PRICKLE2: variants seen among roughly 807,000 people sequenced by gnomAD.
PRICKLE2 encodes the protein prickle planar cell polarity protein 2.
A neutral mutation model predicts 81.4 loss-of-function variants in PRICKLE2; 21 were observed. That is an observed-to-expected ratio of 0.26 (90% CI 0.18 to 0.37). The LOEUF (loss-of-function observed/expected upper bound fraction) is 0.37. Ranked by LOEUF, PRICKLE2 falls within the 10% of genes least tolerant of loss-of-function variation. The pLI is 1.00. For missense variants in PRICKLE2, 940 were observed against 1,109.0 expected (o/e 0.85, Z 2.16); for synonymous variants, 456 against 421.5 (o/e 1.08, Z -1.00).
chr3:64,213,650 G>T (rs1021536913), intron 1 of PRICKLE2, among the ~76,000 whole-genome samples: 1 of 152,074 alleles, frequency 6.6e-6, no homozygotes, highest in Admixed American at 6.6e-5. Flanking sequence ...CTGAGCCCAG[G>T]GGCATAAGGT....
intron 7 of PRICKLE2, among the ~76,000 whole-genome samples, chr3:64,110,547 G>T (rs2076826729): frequency 6.6e-6 from 1 of 152,174 alleles, no homozygotes; most frequent in African/African-American, 2.4e-5. Flanking sequence ...TAAAGGGGAT[G>T]CTATGGCAGA....
intron 6 of PRICKLE2, among the ~76,000 whole-genome samples, chr3:64,150,887 A>G (rs1240951697): frequency 6.6e-6 from 1 of 152,218 alleles, no homozygotes; most frequent in African/African-American, 2.4e-5. Context: ...CCCGATAAAC[A>G]TCGATGTCAG....
In PRICKLE2 at chr3:64,110,158, C is replaced by G. The variant is rs79053327; in HGVS notation, c.1661-10233G>C. On this transcript the variant is annotated intron_variant, in intron 7 of 7. Transcript: ENST00000638394. The stretch of plus-strand genomic sequence containing the variant: ...TATTGCTAATTGAAAGGATACACAA[C>G]AAATTCAGACCAGTTGAAGATTTTT... Among the ~76,000 whole-genome samples the G allele has an allele frequency of 3.9e-3, 601 of 152,324 alleles. 3 individuals are homozygous for G. Among genetic ancestry groups the G allele is most frequent in the African/African-American group, 0.014 (584 of 41,568 alleles).
At chr3:64,164,396 A>G (rs1559551028) in intron 2 of PRICKLE2, among the ~76,000 whole-genome samples, 1 of 152,164 alleles carries the variant, frequency 6.6e-6, no homozygotes, top group African/African-American at 2.4e-5. Context: ...ACTTGGTCTA[A>G]ACTTGGTCTA....
intron 2 of PRICKLE2, among the ~76,000 whole-genome samples, chr3:64,245,006 C>G (rs1030909654): frequency 1.3e-5 from 2 of 152,088 alleles, no homozygotes; most frequent in African/African-American, 4.8e-5. Context: ...CGCTACCAAT[C>G]TAAAGAATGT....
intron 7 of PRICKLE2, chr3:64,104,533 T>C (rs1034477308): frequency 2.6e-5 from 4 of 152,208 alleles, no homozygotes; most frequent in Non-Finnish European, 5.9e-5. Context: ...GTGAACAGAT[T>C]CCTATTTCCG....
intron 2 of PRICKLE2, among the ~76,000 whole-genome samples, chr3:64,239,076 G>A (rs967584891): frequency 2.0e-5 from 3 of 152,148 alleles, no homozygotes; most frequent in Non-Finnish European, 4.4e-5. Flanking sequence ...CCAGACGGAT[G>A]TCAGAGCAGA....
At chr3:64,219,946 A>G (rs534893508) in intron 1 of PRICKLE2, among the ~76,000 whole-genome samples, 10 of 152,356 alleles carry the variant, frequency 6.6e-5, no homozygotes, top group African/African-American at 2.2e-4. Flanking sequence ...GTAAGAATTA[A>G]CAAGACAAGT....
intron 1 of PRICKLE2, among the ~76,000 whole-genome samples, chr3:64,205,058 G>T (rs1185151509): frequency 1.4e-5 from 2 of 143,902 alleles, no homozygotes; most frequent in African/African-American, 2.6e-5. Context: ...TTTTTAAATA[G>T]ACATTTATGA....
chr3:64,167,722 A>T (rs1381508943), intron 2 of PRICKLE2, among the ~76,000 whole-genome samples: 1 of 150,622 alleles, frequency 6.6e-6, no homozygotes, highest in Admixed American at 6.6e-5. Flanking sequence ...AAGTAAGCTG[A>T]TTTTTTTTTT....
At chr3:64,172,943 T>G (rs2107064625) in intron 2 of PRICKLE2, among the ~76,000 whole-genome samples, 1 of 152,282 alleles carries the variant, frequency 6.6e-6, no homozygotes, top group South Asian at 2.1e-4. Flanking sequence ...ATCTTGAGCT[T>G]TTGGACTCCA....
chr3:64,265,395 T>C (rs576257503), intron 2 of PRICKLE2, among the ~76,000 whole-genome samples: 49 of 152,318 alleles, frequency 3.2e-4, no homozygotes, highest in Admixed American at 2.1e-3. Context: ...CTTCCTCTCA[T>C]TGACATCAGA....
chr3:64,213,767 A>T (rs2078830118), intron 1 of PRICKLE2, among the ~76,000 whole-genome samples: 1 of 151,732 alleles, frequency 6.6e-6, no homozygotes, highest in African/African-American at 2.4e-5. Context: ...TTTTCTTATT[A>T]ATCCTCAAAC....
chr3:64,112,453 T>G (rs188314555), intron 7 of PRICKLE2, among the ~76,000 whole-genome samples: 10 of 152,268 alleles, frequency 6.6e-5, no homozygotes, highest in African/African-American at 2.4e-4. Flanking sequence ...AACCAATTAC[T>G]AGATTGGCTG....
intron 2 of PRICKLE2, among the ~76,000 whole-genome samples, chr3:64,169,230 A>G (rs2077890587): frequency 6.6e-6 from 1 of 152,162 alleles, no homozygotes; most frequent in African/African-American, 2.4e-5. Context: ...CACAATGGCT[A>G]GAGCTCCAGC....
At chr3:64,129,583 C>A (rs1410284499) in intron 7 of PRICKLE2, among the ~76,000 whole-genome samples, 1 of 151,968 alleles carries the variant, frequency 6.6e-6, no homozygotes, top group Non-Finnish European at 1.5e-5. Flanking sequence ...CCGGTCTGAA[C>A]CATGGCTGTT....
intron 5 of PRICKLE2, chr3:64,154,184 G>A (rs934248922): frequency 6.6e-6 from 1 of 152,124 alleles, no homozygotes; most frequent in African/African-American, 2.4e-5. Context: ...AACAGAGCTG[G>A]GACAACAGGA....
At chr3:64,216,839 G>A (rs1009544596) in intron 1 of PRICKLE2, among the ~76,000 whole-genome samples, 2 of 152,188 alleles carry the variant, frequency 1.3e-5, no homozygotes, top group African/African-American at 4.8e-5. Flanking sequence ...CCTTCCTAAT[G>A]AGGCAGGCAC....
rs184635991 is a variant in PRICKLE2 at position 64,207,958 on chromosome 3, T to C, written c.-40-8991A>G. Among the ~76,000 whole-genome samples the C allele has an allele frequency of 5.2e-3, 796 of 152,338 alleles. 6 individuals carry two copies. The highest frequency in any genetic ancestry group is 5.8e-3 in the Non-Finnish European group (394 of 68,038). On this transcript the variant is annotated intron_variant, in intron 1 of 7. Coordinates refer to ENST00000638394, the MANE Select transcript of PRICKLE2 (RefSeq NM_198859.4). ...AGGAGGAGCTGGGCAGCGGCCTGAC[T>C]TACTCCATCTGCTCTGTAGCCCATT...
Sources: allele counts gnomAD v4.1 joint callset (sites outside exome capture counted in the v4.1 genomes callset), GRCh38; gene constraint gnomAD v4.1.1; transcripts MANE v1.5; gene names NCBI Gene and HGNC (gene_info 2026-07-23, HGNC 2026-07-21).